The following COL4A1 variants were observed in gnomAD, a reference collection of about 807,000 sequenced individuals.
The protein encoded by COL4A1 is collagen type IV alpha 1 chain.
Under a neutral mutation model 216.6 loss-of-function variants are expected in COL4A1, and 40 were observed. The ratio of observed to expected loss-of-function variants is 0.18; its 90% CI spans 0.14 to 0.24. COL4A1 has a LOEUF of 0.24. Ranked by LOEUF, COL4A1 falls within the 10% of genes least tolerant of loss-of-function variation. COL4A1 has a pLI of 1.00. For missense variants in COL4A1, 1,628 were observed against 2,196.8 expected, an observed-to-expected ratio of 0.74 and a Z score of 5.18; for synonymous variants, 839 against 810.7, an observed-to-expected ratio of 1.03 and a Z score of -0.59.
intron 41 of COL4A1, among the ~76,000 whole-genome samples, chr13:110,171,294 G>A (rs1162914675): frequency 2.0e-5 from 3 of 152,170 alleles, no homozygotes; most frequent in African/African-American, 4.8e-5. Flanking sequence ...GCAGATGGAC[G>A]GTTGCTTGGG....
chr13:110,299,323 T>A (rs1046427311), intron 1 of COL4A1, among the ~76,000 whole-genome samples: 9 of 152,180 alleles, frequency 5.9e-5, no homozygotes, highest in African/African-American at 2.2e-4. Context: ...TCTGGAGCTG[T>A]TTCGTGGAGC....
intron 1 of COL4A1, among the ~76,000 whole-genome samples, chr13:110,295,529 G>T (rs1221481838): frequency 8.8e-5 from 13 of 147,170 alleles, no homozygotes; most frequent in Non-Finnish European, 1.3e-4. Context: ...CCATTCAAGC[G>T]ATTCTCCTGC....
At chr13:110,244,974 T>A (rs1221278275) in intron 1 of COL4A1, among the ~76,000 whole-genome samples, 1 of 152,210 alleles carries the variant, frequency 6.6e-6, no homozygotes, top group African/African-American at 2.4e-5. Context: ...ATTATGGTTG[T>A]ATTCTTGGTG....
At chr13:110,265,044 T>C (rs922318686) in intron 1 of COL4A1, among the ~76,000 whole-genome samples, 2 of 152,236 alleles carry the variant, frequency 1.3e-5, no homozygotes, top group African/African-American at 4.8e-5. Flanking sequence ...TGCTGGGCTG[T>C]GGGCGCCGTC....
intron 1 of COL4A1, among the ~76,000 whole-genome samples, chr13:110,257,306 C>G (rs1882620740): frequency 6.6e-6 from 1 of 152,128 alleles, no homozygotes; most frequent in African/African-American, 2.4e-5. Context: ...GACAAGTGGT[C>G]AGAGATCCAT....
At position 110,218,384 on chromosome 13, in the gene COL4A1, G is replaced by C. The variant is rs561338475; in HGVS notation, c.145-4369C>G. Reference sequence around the variant, plus strand: ...CGCACGGAATGAGTACGGGTACCGGGTTTGGTACTGAGCACTGAGTGTACT... The same window carrying C: ...CGCACGGAATGAGTACGGGTACCGGCTTTGGTACTGAGCACTGAGTGTACT... On this transcript the variant is annotated intron_variant, in intron 2 of 51. Coordinates refer to ENST00000375820, the MANE Select transcript of COL4A1 (RefSeq NM_001845.6). Among the ~76,000 whole-genome samples, 11 of 152,286 alleles carry C rather than the reference G, an allele frequency of 7.2e-5. No homozygotes were observed. The South Asian group carries it at 2.1e-3, about 29-fold the overall frequency.
chr13:110,203,799 G>A (rs1016783869), intron 17 of COL4A1, among the ~76,000 whole-genome samples, 192 bp from the exon 18 acceptor site: 18 of 152,106 alleles, frequency 1.2e-4, no homozygotes, highest in African/African-American at 1.9e-4. Flanking sequence ...CTTTGCACAC[G>A]CATGACACAT....
intron 29 of COL4A1, among the ~76,000 whole-genome samples, chr13:110,180,451 C>T (rs1013096861): frequency 2.0e-5 from 3 of 152,224 alleles, no homozygotes; most frequent in African/African-American, 7.2e-5. Flanking sequence ...AGAGGCACGG[C>T]CCCTGTGGTG....
chr13:110,206,606 C>A (rs775366498), intron 15 of COL4A1, 59 bp downstream of exon 15: 1 of 1,573,078 alleles, frequency 6.4e-7, no homozygotes, highest in Non-Finnish European at 8.7e-7. Context: ...TGTGAATCTG[C>A]GATTTTCCGC....
At chr13:110,209,499 C>A in intron 10 of COL4A1, 72 bp from the exon 11 acceptor site, 2 of 1,073,960 alleles carry the variant, frequency 1.9e-6, no homozygotes, top group Non-Finnish European at 1.4e-6. Context: ...TTCAGGCTGA[C>A]GTTATCTTAA....
At chr13:110,261,347 C>G (rs531709451) in intron 1 of COL4A1, among the ~76,000 whole-genome samples, 1 of 152,214 alleles carries the variant, frequency 6.6e-6, no homozygotes, top group African/African-American at 2.4e-5. Context: ...TGGATTCTCT[C>G]AAAACAACAT....
intron 1 of COL4A1, among the ~76,000 whole-genome samples, chr13:110,291,438 G>A (rs998609320): frequency 4.6e-5 from 7 of 152,128 alleles, no homozygotes; most frequent in African/African-American, 1.4e-4. Context: ...GCACGGGAGC[G>A]CCATTAGTAA....
chr13:110,206,812 T>TATTG, intron 14 of COL4A1, 53 bp downstream of exon 14: 1 of 1,612,032 alleles, frequency 6.2e-7, no homozygotes, highest in Admixed American at 1.7e-5. Context: ...ACTTGAAACT[T>TATTG]AAATCTTTAT....
chr13:110,200,956 C>A (rs1434055746), intron 19 of COL4A1, 67 bp from the exon 20 acceptor site: 1 of 1,547,158 alleles, frequency 6.5e-7, no homozygotes, highest in Non-Finnish European at 8.9e-7. Context: ...CTTCTTATTT[C>A]TCTACTGAAA....
chr13:110,162,938 C>A (rs1594537183), intron 47 of COL4A1, among the ~76,000 whole-genome samples: 2 of 152,230 alleles, frequency 1.3e-5, no homozygotes, highest in African/African-American at 2.4e-5. Context: ...GCAGGCAAGG[C>A]CTGCTTCTGT....
intron 1 of COL4A1, among the ~76,000 whole-genome samples, chr13:110,266,585 G>A (rs1883046291): frequency 6.6e-6 from 1 of 152,138 alleles, no homozygotes. Flanking sequence ...ATGCTGACTT[G>A]GGGAAACACA....
At chr13:110,278,920 A>G (rs1363895487) in intron 1 of COL4A1, among the ~76,000 whole-genome samples, 1 of 152,006 alleles carries the variant, frequency 6.6e-6, no homozygotes, top group South Asian at 2.1e-4. Flanking sequence ...ACTACAAATC[A>G]TGTTTTTTCC....
At chr13:110,241,563 C>T (rs369218087) in intron 2 of COL4A1, among the ~76,000 whole-genome samples, 4 of 152,084 alleles carry the variant, frequency 2.6e-5, no homozygotes, top group African/African-American at 9.7e-5. Context: ...CACTGGAAAT[C>T]GCTAGAAAAA....
Position 110,307,019 on chromosome 13 carries a change from G to C in COL4A1, c.9C>G (p.Pro3=). 1 of 1,466,214 alleles carries C rather than the reference G, an allele frequency of 6.8e-7. No individual in the cohort carries two copies. Among genetic ancestry groups the C allele is most frequent in the Non-Finnish European group, 9.0e-7 (1 of 1,114,118 alleles). The allele number at this position is 1,466,214 out of a possible 1,614,324, so 90.8% of individuals were successfully genotyped here. A position where few individuals can be genotyped will look rare whatever the true frequency, so the allele number is the denominator to read the frequency against. Residue 3 remains proline, a synonymous_variant, in exon 1 of 52, where the codon CCC becomes CCG. Transcript: ENST00000375820. The surrounding 1 kb of genome is among the most constrained non-coding windows in gnomAD (Gnocchi z 5.0). MG[P]RLSVWLLLLP... ...GCAGCAGCAGCCAGACGCTGAGCCG[G>C]GGCCCCATGGTGGCGCGCCCGAGGC...
Sources: allele counts gnomAD v4.1 joint callset (sites outside exome capture counted in the v4.1 genomes callset), GRCh38; gene constraint gnomAD v4.1.1; non-coding constraint Gnocchi (gnomAD v3.1); transcripts MANE v1.5; gene names NCBI Gene and HGNC (gene_info 2026-07-23, HGNC 2026-07-21).